The following FLYWCH1 variants were observed in gnomAD, a reference collection of about 807,000 sequenced individuals.
FLYWCH1 encodes FLYWCH-type zinc finger-containing protein 1.
A neutral mutation model predicts 66.4 loss-of-function variants in FLYWCH1; 75 were observed. The observed-to-expected ratio is 1.13, with a 90% CI of 0.94 to 1.37. The LOEUF is 1.37. FLYWCH1 is among the 40% of genes most tolerant of loss of function. The pLI is 0.00. For synonymous variants in FLYWCH1, 595 were observed against 429.9 expected, an observed-to-expected ratio of 1.38 and a Z score of -4.75; for missense variants, 1,334 against 1,001.8, an observed-to-expected ratio of 1.33 and a Z score of -4.48.
chr16:2,950,285 T>A lies in FLYWCH1; in HGVS notation c.*1558T>A, dbSNP rs1024617361. 5 of 152,748 alleles carry A rather than the reference T, an allele frequency of 3.3e-5. No individual in the cohort carries two copies. The highest frequency in any genetic ancestry group is 1.2e-4 in the African/African-American group (5 of 41,462). The allele number at this position is 152,748 out of a possible 1,614,324, so 9.5% of individuals were successfully genotyped here. On this transcript the variant is annotated 3_prime_UTR_variant, in exon 10 of 10. Transcript: ENST00000253928. ...GAAGCATCCTGCCCCGAGGCTGACC[T>A]AACTGCCCCCAGCTGGACTCATGGC... is the stretch of plus-strand genomic sequence containing the variant.
rs143279006 is a variant in FLYWCH1 at position 2,948,941 on chromosome 16, G to A, written c.*214G>A. ...AGAACAGTGCTCAGAGCTGGCGCTTGCAGACGCAGCTGTCGTGGGGCAGGG... is the reference window on the plus strand; with the variant it reads ...AGAACAGTGCTCAGAGCTGGCGCTTACAGACGCAGCTGTCGTGGGGCAGGG... On this transcript the variant is annotated 3_prime_UTR_variant, in exon 10 of 10. Transcript: ENST00000253928. 4.3e-4 allele frequency: 235 copies of A among 552,414 alleles called. 1 individual carries two copies. Among genetic ancestry groups the A allele is most frequent in the Middle Eastern group, 2.5e-3 (5 of 2,008 alleles). 34.2% of individuals were successfully genotyped at this position (552,414 alleles called of 1,614,324 possible).
At position 2,937,369 on chromosome 16, in the gene FLYWCH1, C is replaced by T. The variant is rs561697053; in HGVS notation, c.1762C>T (p.Gln588Ter). Reference protein sequence around the residue: ...RQREHFPNLAQWDSPDPLRPL... With the variant: ...RQREHFPNLA ...GCGGGAGCACTTCCCCAACCTGGCGCAGTGGGACAGCCCAGGTGCGTGTGG... is the reference window on the plus strand; with the variant it reads ...GCGGGAGCACTTCCCCAACCTGGCGTAGTGGGACAGCCCAGGTGCGTGTGG... The change falls in exon 7 of 10, where the codon CAG becomes TAG. Residue 588 changes from glutamine to a stop codon, truncating the protein, a stop_gained. Transcript: ENST00000253928. LOFTEE classifies it high-confidence loss of function. 2 of 1,575,400 alleles carry T rather than the reference C, an allele frequency of 1.3e-6. No individual in the cohort carries two copies. The highest frequency in any genetic ancestry group is 2.7e-5 in the African/African-American group (2 of 74,270).
intron 9 of FLYWCH1, among the ~76,000 whole-genome samples, chr16:2,945,223 C>T (rs2071428250): frequency 6.6e-6 from 1 of 152,158 alleles, no homozygotes; most frequent in African/African-American, 2.4e-5. Context: ...TACAGTGGCT[C>T]ACGCCTGTAA....
Position 2,933,481 on chromosome 16 carries a change from T to G in FLYWCH1, c.1148T>G (p.Leu383Arg). 6.2e-7 allele frequency: 1 copy of G among 1,606,310 alleles called. No individual in the cohort carries two copies. The highest frequency in any genetic ancestry group is 8.5e-7 in the Non-Finnish European group (1 of 1,176,938). ...LYRRGPGPLT[L>R]TRPRPRKRAK... ...CGCAGGGGTCCGGGTCCCCTGACTC[T>G]CACCAGGCCTCGGCCCAGAAAGCGA... The change falls in exon 5 of 10, where the codon CTC becomes CGC. Residue 383 changes from leucine to arginine, a missense_variant. Transcript: ENST00000253928.
Position 2,915,812 on chromosome 16 carries a change from AAAAG to A in FLYWCH1, c.-74+1525_-74+1528del, listed in dbSNP as rs201097498. Among the ~76,000 whole-genome samples the A allele has an allele frequency of 7.7e-3, 1,170 of 152,114 alleles. 12 individuals are homozygous for A. The highest frequency in any genetic ancestry group is 0.026 in the African/African-American group (1,088 of 41,466). On this transcript the variant is annotated intron_variant, in intron 2 of 9. Coordinates refer to ENST00000253928, the MANE Select transcript of FLYWCH1 (RefSeq NM_001308068.2). The stretch of plus-strand genomic sequence containing the variant: ...ACTCTGTGTCGAGAGAAAAAAAAAA[AAAAG>A]AGAGAATCCAAAGAAGAATCTACAA...
intron 2 of FLYWCH1, among the ~76,000 whole-genome samples, chr16:2,916,911 G>C (rs544913457): frequency 1.3e-5 from 2 of 151,408 alleles, no homozygotes; most frequent in Non-Finnish European, 1.5e-5. Flanking sequence ...TTGGGAGGCC[G>C]AGGGGGGTGG....
chr16:2,932,202 C>T (rs948868516), intron 4 of FLYWCH1, among the ~76,000 whole-genome samples: 8 of 130,934 alleles, frequency 6.1e-5, no homozygotes, highest in African/African-American at 8.8e-5. Flanking sequence ...TGCTTGGAGG[C>T]GGAGGTTGCA....
At position 2,936,708 on chromosome 16, in the gene FLYWCH1, G is replaced by A. The variant is rs145585926; in HGVS notation, c.1514-413G>A. ...TCACACCTCTACCTGCGCGGCTCTC[G>A]GGGGCCACCCCTCTCAGCCCCATCC... On this transcript the variant is annotated intron_variant, in intron 6 of 9. Transcript: ENST00000253928. The A allele has an allele frequency of 2.6e-3, 1,243 of 469,184 alleles. 4 individuals are homozygous for A. Among genetic ancestry groups the A allele is most frequent in the Non-Finnish European group, 4.1e-3 (965 of 235,804 alleles). The allele number at this position is 469,184 out of a possible 1,614,324, so 29.1% of individuals were successfully genotyped here. A position where few individuals can be genotyped will look rare whatever the true frequency, so the allele number is the denominator to read the frequency against.
chr16:2,921,869 C>T (rs747991501), intron 2 of FLYWCH1, among the ~76,000 whole-genome samples: 44 of 151,990 alleles, frequency 2.9e-4, no homozygotes, highest in Non-Finnish European at 5.0e-4. Flanking sequence ...CGAGACCATC[C>T]TGGCCAATAT....
intron 2 of FLYWCH1, among the ~76,000 whole-genome samples, chr16:2,918,431 G>C (rs1452079326): frequency 6.7e-6 from 1 of 148,924 alleles, no homozygotes; most frequent in African/African-American, 2.5e-5. Context: ...ACAGGCGTGA[G>C]CCACCGCGCC....
In FLYWCH1 at chr16:2,930,727, C is replaced by G. The variant is rs1035458052; in HGVS notation, c.643C>G (p.Pro215Ala). 19 of 1,550,556 alleles carry G rather than the reference C, an allele frequency of 1.2e-5. No individual in the cohort carries two copies. The highest frequency in any genetic ancestry group is 1.6e-5 in the Non-Finnish European group (19 of 1,151,990). Residue 215 changes from proline (P) to alanine (A), a missense_variant, in exon 4 of 10, where the codon CCC becomes GCC. Physicochemically the swap from Pro to Ala is conservative, Grantham distance 27 (BLOSUM62 -1). Transcript: ENST00000253928. ...PEGPGGRVEE[P>A]LEGVGPWQCP... is the part of the protein sequence containing the mutation. Reference sequence around the variant, plus strand: ...GGGCCCTGGAGGCCGAGTGGAGGAGCCCCTGGAGGGGGTGGGCCCGTGGCA... The same window carrying G: ...GGGCCCTGGAGGCCGAGTGGAGGAGGCCCTGGAGGGGGTGGGCCCGTGGCA...
At chr16:2,929,057 A>G (rs1422143859) in intron 2 of FLYWCH1, 2 of 153,144 alleles carry the variant, frequency 1.3e-5, no homozygotes, top group Non-Finnish European at 2.9e-5. Context: ...GTCCTCTGGA[A>G]AGGGCTCTGC....
intron 4 of FLYWCH1, 67 bp downstream of exon 4, chr16:2,930,947 C>G: frequency 8.0e-7 from 1 of 1,253,404 alleles, no homozygotes; most frequent in Non-Finnish European, 1.1e-6. Context: ...TTCCTCAGCC[C>G]AAATAGAAAT....
intron 1 of FLYWCH1, chr16:2,912,920 G>C (rs1349618106): frequency 6.6e-6 from 1 of 152,136 alleles, no homozygotes; most frequent in Non-Finnish European, 1.5e-5. Flanking sequence ...GCATATTTCT[G>C]CTTTCCAAGG....
At chr16:2,918,572 CT>C (rs1331387725) in intron 2 of FLYWCH1, among the ~76,000 whole-genome samples, 1 of 151,714 alleles carries the variant, frequency 6.6e-6, no homozygotes, top group African/African-American at 2.4e-5. Context: ...TCCTGAATAG[CT>C]GGGATTACAG....
chr16:2,919,090 C>T (rs1347048599), intron 2 of FLYWCH1, among the ~76,000 whole-genome samples: 1 of 151,808 alleles, frequency 6.6e-6, no homozygotes, highest in African/African-American at 2.4e-5. Context: ...TGCTCACCAC[C>T]ACTCCTGATT....
At chr16:2,946,316 CTTTTTTTT>C (rs58279573) in intron 9 of FLYWCH1, among the ~76,000 whole-genome samples, 6 of 75,548 alleles carry the variant, frequency 7.9e-5, no homozygotes, top group African/African-American at 2.3e-4. Flanking sequence ...GTGGGCTGTA[CTTTTTTTT>C]TTTTTTTTTT....
rs753212317 is a variant in FLYWCH1, at chr16:2,933,809, T to C, written c.1343T>C (p.Val448Ala). ...CGGGAGAAGGCGGCTGGGGAGAAGG[T>C]GTATTGGACCTGCCGGGACCAGGCC... The part of the protein sequence containing the change: ...YRREKAAGEK[V>A]YWTCRDQARM... The change falls in exon 6 of 10, where the codon GTG (valine) becomes GCG (alanine). Residue 448 changes from valine to alanine, a missense_variant. By Grantham distance (64) the Val-to-Ala change is moderately conservative (BLOSUM62 0). Transcript: ENST00000253928. The C allele has an allele frequency of 2.5e-6, 4 of 1,604,964 alleles. No homozygotes were observed. Among genetic ancestry groups the C allele is most frequent in the South Asian group, 2.2e-5 (2 of 90,226 alleles).
chr16:2,947,634 C>A (rs192569729), intron 9 of FLYWCH1, among the ~76,000 whole-genome samples: 51 of 152,014 alleles, frequency 3.4e-4, no homozygotes, highest in Admixed American at 1.1e-3. Flanking sequence ...TGGTGGCACG[C>A]ACCTATAATC....
Sources: gnomAD v4.1 joint callset for allele counts (sites outside exome capture counted in the v4.1 genomes callset) on GRCh38, gnomAD v4.1.1 for gene constraint, MANE v1.5 for transcripts, NCBI Gene and HGNC (gene_info 2026-07-23, HGNC 2026-07-21) for gene names.